The following UGT3A1 variants were observed in gnomAD, a reference collection of about 807,000 sequenced individuals.
UGT3A1 encodes UDP-glycosyltransferase 3A1.
In UGT3A1, 40 loss-of-function variants were observed where a neutral mutation model predicts 37.6. That is an observed-to-expected ratio of 1.06 (90% CI 0.83 to 1.38). UGT3A1 has a LOEUF of 1.38. Among genes scored for constraint, UGT3A1 ranks in the 40% most tolerant of loss-of-function variants. The pLI is 0.00. For missense variants in UGT3A1, 642 were observed against 634.2 expected, an observed-to-expected ratio of 1.01 and a Z score of -0.13; for synonymous variants, 256 against 232.3, an observed-to-expected ratio of 1.10 and a Z score of -0.93.
chr5:35,954,201 C>G lies in UGT3A1; in HGVS notation c.*1G>C. 1 of 1,613,732 alleles carries G rather than the reference C, an allele frequency of 6.2e-7. No homozygotes were observed. Among genetic ancestry groups the G allele is most frequent in the Non-Finnish European group, 8.5e-7 (1 of 1,179,818 alleles). ...CCCCTCACCCAAGGCTACACCTAGCCTCATGTCTTCTTCACCTTCCTGGCC... is the reference window on the plus strand; with the variant it reads ...CCCCTCACCCAAGGCTACACCTAGCGTCATGTCTTCTTCACCTTCCTGGCC... On this transcript the variant is annotated 3_prime_UTR_variant, in exon 7 of 7. Coordinates refer to ENST00000274278, the MANE Select transcript of UGT3A1 (RefSeq NM_152404.4).
intron 2 of UGT3A1, among the ~76,000 whole-genome samples, chr5:35,978,157 C>G (rs1740370382): frequency 6.6e-6 from 1 of 152,138 alleles, no homozygotes; most frequent in African/African-American, 2.4e-5. Flanking sequence ...GCCTCTGCCT[C>G]TTGAGTAGCT....
intron 2 of UGT3A1, among the ~76,000 whole-genome samples, chr5:35,968,958 A>C (rs565816000): frequency 6.6e-6 from 1 of 152,362 alleles, no homozygotes; most frequent in East Asian, 1.9e-4. Flanking sequence ...CATGTGTCTC[A>C]AACCAAAGCT....
In UGT3A1 at chr5:35,953,915, G is replaced by A. The variant is rs1453725129; in HGVS notation, c.*287C>T. On this transcript the variant is annotated 3_prime_UTR_variant, in exon 7 of 7. Transcript: ENST00000274278. Reference sequence around the variant, plus strand: ...ACTGGGAAGTCATCTAAACAAGGAGGATGAAGTTGTCAGAGTCCTGTGTCT... The same window carrying A: ...ACTGGGAAGTCATCTAAACAAGGAGAATGAAGTTGTCAGAGTCCTGTGTCT... 7 of 358,526 alleles carry A rather than the reference G, an allele frequency of 2.0e-5. No homozygotes were observed. The highest frequency in any genetic ancestry group is 8.4e-5 in the Admixed American group (2 of 23,940). 22.2% of individuals were successfully genotyped at this position (358,526 alleles called of 1,614,324 possible). A position where few individuals can be genotyped will look rare whatever the true frequency, so the allele number is the denominator to read the frequency against.
At chr5:35,994,922 T>C (rs1242924668), upstream of UGT3A1, among the ~76,000 whole-genome samples, 1 of 152,170 alleles carries the variant, frequency 6.6e-6, no homozygotes. Flanking sequence ...CTAAAGCAGA[T>C]TCTAAGTTAC....
chr5:35,972,494 CGTGTGTGTGTGTGTGTGT>C (rs4024103), intron 2 of UGT3A1, among the ~76,000 whole-genome samples: 1 of 141,338 alleles, frequency 7.1e-6, no homozygotes, highest in Non-Finnish European at 1.5e-5. Context: ...CCTTGAAATA[CGTGTGTGTGTGTGTGTGT>C]GTGTGTGTGT....
intron 5 of UGT3A1, among the ~76,000 whole-genome samples, chr5:35,956,667 A>C (rs1183271880): frequency 6.6e-6 from 1 of 152,198 alleles, no homozygotes; most frequent in Non-Finnish European, 1.5e-5. Flanking sequence ...ATATTGTGGC[A>C]CATCCTTCAG....
At chr5:35,980,781 T>C (rs906356777) in intron 2 of UGT3A1, among the ~76,000 whole-genome samples, 1 of 152,206 alleles carries the variant, frequency 6.6e-6, no homozygotes, top group African/African-American at 2.4e-5. Context: ...CTTTATTAAG[T>C]TCCATAAATC....
chr5:35,996,368 G>A (rs1048214211), upstream of UGT3A1, among the ~76,000 whole-genome samples: 4 of 152,076 alleles, frequency 2.6e-5, no homozygotes, highest in Non-Finnish European at 5.9e-5. Flanking sequence ...ATTGACACAG[G>A]CATGACTATA....
intron 1 of UGT3A1, among the ~76,000 whole-genome samples, chr5:35,989,955 C>T (rs1332363719): frequency 5.3e-5 from 8 of 152,152 alleles, no homozygotes; most frequent in East Asian, 1.9e-4. Flanking sequence ...GGCGTGGTGG[C>T]GGGCGCCTGT....
chr5:35,995,636 C>A (rs1741076954), upstream of UGT3A1, among the ~76,000 whole-genome samples: 2 of 152,084 alleles, frequency 1.3e-5, no homozygotes, highest in African/African-American at 4.8e-5. Context: ...GCAGATTTAA[C>A]CCCTGAAGGC....
intron 2 of UGT3A1, among the ~76,000 whole-genome samples, chr5:35,976,913 GA>G: frequency 6.9e-6 from 1 of 145,970 alleles, no homozygotes; most frequent in Non-Finnish European, 1.5e-5. Context: ...AGGAAGGAGA[GA>G]GAGAAAGAAA....
chr5:35,970,871 C>T (rs1264216242), intron 2 of UGT3A1, among the ~76,000 whole-genome samples: 1 of 152,138 alleles, frequency 6.6e-6, no homozygotes, highest in Non-Finnish European at 1.5e-5. Context: ...ATTAATGATG[C>T]CTCACAACAT....
At chr5:35,962,777 C>T (rs1337282126) in intron 4 of UGT3A1, 2 of 661,110 alleles carry the variant, frequency 3.0e-6, no homozygotes, top group Admixed American at 4.6e-5. Flanking sequence ...GTTCCGAGGG[C>T]TAGGAGGTGT....
intron 2 of UGT3A1, among the ~76,000 whole-genome samples, chr5:35,972,594 T>C (rs1421020689): frequency 6.6e-6 from 1 of 151,798 alleles, no homozygotes; most frequent in Admixed American, 6.6e-5. Flanking sequence ...TGGTTCTCTA[T>C]TATGAGAACA....
intron 2 of UGT3A1, among the ~76,000 whole-genome samples, chr5:35,968,347 T>C (rs1012411739): frequency 6.6e-6 from 1 of 152,216 alleles, no homozygotes; most frequent in Non-Finnish European, 1.5e-5. Context: ...TTTTATTCAA[T>C]TTAAAGTTAT....
intron 1 of UGT3A1, among the ~76,000 whole-genome samples, chr5:35,989,968 TCCCAG>T (rs1362230232): frequency 8.6e-5 from 13 of 151,916 alleles, no homozygotes; most frequent in Non-Finnish European, 1.5e-4. Flanking sequence ...GCGCCTGTAG[TCCCAG>T]CCCAGCTACT....
intron 2 of UGT3A1, among the ~76,000 whole-genome samples, chr5:35,981,938 C>T (rs1447086242): frequency 1.3e-5 from 2 of 152,346 alleles, no homozygotes; most frequent in South Asian, 4.1e-4. Flanking sequence ...GCATGGCACC[C>T]CTAGCTGTTC....
At position 35,953,060 on chromosome 5, in the gene UGT3A1, A is replaced by ACT. The variant is rs1343808448; in HGVS notation, c.*1140_*1141dup. On this transcript the variant is annotated 3_prime_UTR_variant, in exon 7 of 7. Transcript: ENST00000274278. ...GGGCCTCTCCATATGCCTGTTTTCT[A>ACT]CTCTGTGTTTTTAACTCATCAGACA... 6.6e-6 allele frequency: 1 copy of ACT among 152,238 alleles called. No individual in the cohort carries two copies. The highest frequency in any genetic ancestry group is 1.5e-5 in the Non-Finnish European group (1 of 68,020). 9.4% of individuals were successfully genotyped at this position (152,238 alleles called of 1,614,324 possible). A position where few individuals can be genotyped will look rare whatever the true frequency, so the allele number is the denominator to read the frequency against.
chr5:35,980,228 C>T (rs1740465593), intron 2 of UGT3A1, among the ~76,000 whole-genome samples: 1 of 152,144 alleles, frequency 6.6e-6, no homozygotes, highest in African/African-American at 2.4e-5. Context: ...AGCAGATTTA[C>T]CTTCCTACTT....
Sources: gnomAD v4.1 joint callset for allele counts (sites outside exome capture counted in the v4.1 genomes callset) on GRCh38, gnomAD v4.1.1 for gene constraint, MANE v1.5 for transcripts, NCBI Gene and HGNC (gene_info 2026-07-23, HGNC 2026-07-21) for gene names.